The following RIMS3 variants were observed in gnomAD, a reference collection of about 807,000 sequenced individuals.
RIMS3 encodes the protein regulating synaptic membrane exocytosis 3.
Under a neutral mutation model 29.2 loss-of-function variants are expected in RIMS3, and 15 were observed. That is an observed-to-expected ratio of 0.51 (90% CI 0.34 to 0.79). The LOEUF (loss-of-function observed/expected upper bound fraction) is 0.79, where lower values mean the gene tolerates loss of function less well. Among genes scored for constraint, RIMS3 ranks in the 30% least tolerant of loss-of-function variants. The pLI, the probability that RIMS3 is intolerant of heterozygous loss-of-function variation, is 0.01. For missense variants in RIMS3, 342 were observed against 421.4 expected (o/e 0.81, Z 1.65); for synonymous variants, 161 against 170.1 (o/e 0.95, Z 0.41).
At chr1:40,643,485 T>TC (rs1295882762) in intron 2 of RIMS3, among the ~76,000 whole-genome samples, 1 of 150,574 alleles carries the variant, frequency 6.6e-6, no homozygotes, top group Non-Finnish European at 1.5e-5. Flanking sequence ...TCTCTTTTTT[T>TC]TTTTTTTTTG....
chr1:40,628,419 G>T (rs970370898), intron 7 of RIMS3, among the ~76,000 whole-genome samples: 1 of 152,234 alleles, frequency 6.6e-6, no homozygotes, highest in Non-Finnish European at 1.5e-5. Flanking sequence ...CTCGGTTTCC[G>T]TAAAGTGAAG....
At position 40,620,727 on chromosome 1, in the gene RIMS3, C is replaced by T. The variant is rs1252179264; in HGVS notation, c.*5790G>A. On this transcript the variant is annotated 3_prime_UTR_variant, in exon 8 of 8. Transcript: ENST00000372684. ...CATGTTTTGCTGCCCAAATACTGTA[C>T]ATGCAGAAGCCATGTGAAGAATTTT... is the stretch of plus-strand genomic sequence containing the variant. 2.0e-5 allele frequency: 3 copies of T among 152,626 alleles called. No homozygotes were observed. 9.5% of individuals were successfully genotyped at this position (152,626 alleles called of 1,614,324 possible).
the RIMS3 span, among the ~76,000 whole-genome samples, chr1:40,678,134 G>A: frequency 6.6e-6 from 1 of 152,224 alleles, no homozygotes. Flanking sequence ...AGGGCCAGGT[G>A]CGGTGGCTTA....
At chr1:40,639,158 G>C (rs1646540178) in intron 3 of RIMS3, among the ~76,000 whole-genome samples, 1 of 152,218 alleles carries the variant, frequency 6.6e-6, no homozygotes, top group South Asian at 2.1e-4. Flanking sequence ...CCAGAAGACA[G>C]AGTCCAGGAG....
Position 40,626,513 on chromosome 1 carries a change from A to G in RIMS3, c.*4T>C. ...ACCACCATCCTGGCCTCTTCCTGAC[A>G]TCCTTAAGAGCATGAGGGGCTGGTG... is the stretch of plus-strand genomic sequence containing the variant. On this transcript the variant is annotated 3_prime_UTR_variant, in exon 8 of 8. Coordinates refer to ENST00000372684, the MANE Select transcript of RIMS3 (RefSeq NM_014747.3). The G allele has an allele frequency of 1.9e-6, 3 of 1,599,894 alleles. No homozygotes were observed. Among genetic ancestry groups the G allele is most frequent in the Non-Finnish European group, 2.6e-6 (3 of 1,172,994 alleles).
At position 40,623,294 on chromosome 1, in the gene RIMS3, C is replaced by T. The variant is rs1259874038; in HGVS notation, c.*3223G>A. ...TTCTTCCCTGAAGGATCAAGTTCCC[C>T]TTGTCAAACCAAGACTTGGCTCCAT... is the stretch of plus-strand genomic sequence containing the variant. On this transcript the variant is annotated 3_prime_UTR_variant, in exon 8 of 8. Transcript: ENST00000372684. 7 of 397,698 alleles carry T rather than the reference C, an allele frequency of 1.8e-5. No individual in the cohort carries two copies. The Admixed American group carries it at 2.6e-4, about 15-fold the overall frequency. The allele number at this position is 397,698 out of a possible 1,614,324, so 24.6% of individuals were successfully genotyped here.
At chr1:40,671,712 C>T in the RIMS3 span, among the ~76,000 whole-genome samples, 4 of 151,796 alleles carry the variant, frequency 2.6e-5, no homozygotes, top group Admixed American at 6.6e-5. Flanking sequence ...GCTTCCTGTA[C>T]AGCCTGTGGA....
At chr1:40,641,348 G>A (rs746825427) in intron 3 of RIMS3, among the ~76,000 whole-genome samples, 1 of 152,210 alleles carries the variant, frequency 6.6e-6, no homozygotes, top group Non-Finnish European at 1.5e-5. Flanking sequence ...TCATAAGGCT[G>A]TTTAATAAGT....
At chr1:40,645,614 A>G (rs988140301) in intron 2 of RIMS3, among the ~76,000 whole-genome samples, 6 of 152,150 alleles carry the variant, frequency 3.9e-5, no homozygotes, top group Non-Finnish European at 7.3e-5. Flanking sequence ...AGCTGTCATG[A>G]GCATCTAAGT....
At chr1:40,685,339 ATAT>A in the RIMS3 span, among the ~76,000 whole-genome samples, 28 of 82,042 alleles carry the variant, frequency 3.4e-4, no homozygotes, top group Admixed American at 7.3e-4. Flanking sequence ...TAATATAATT[ATAT>A]TATATATATA....
chr1:40,676,010 G>A, the RIMS3 span, among the ~76,000 whole-genome samples: 7 of 152,226 alleles, frequency 4.6e-5, no homozygotes, highest in Non-Finnish European at 7.4e-5. Context: ...ACCAAGAGAA[G>A]GCAGAAGCCT....
At chr1:40,689,288 CTTTCT>C in the RIMS3 span, among the ~76,000 whole-genome samples, 5 of 152,010 alleles carry the variant, frequency 3.3e-5, no homozygotes, top group Admixed American at 6.5e-5. Flanking sequence ...CCATTTCTTT[CTTTCT>C]TTTTTTGAGA....
intron 1 of RIMS3, among the ~76,000 whole-genome samples, chr1:40,649,090 C>A (rs2148354489): frequency 6.6e-6 from 1 of 152,278 alleles, no homozygotes; most frequent in African/African-American, 2.4e-5. Context: ...GCCAAGGAAG[C>A]ACACCCAGCC....
upstream of RIMS3, among the ~76,000 whole-genome samples, chr1:40,670,148 T>C (rs1177874759): frequency 6.6e-6 from 1 of 152,198 alleles, no homozygotes; most frequent in Non-Finnish European, 1.5e-5. Context: ...TTACTGAAAA[T>C]GCTTTTCATT....
chr1:40,670,913 G>A, the RIMS3 span, among the ~76,000 whole-genome samples: 4 of 151,966 alleles, frequency 2.6e-5, no homozygotes, highest in East Asian at 7.7e-4. Context: ...TAAGTGGAGA[G>A]ATATTGGAAA....
chr1:40,650,182 C>A (rs560310651), intron 1 of RIMS3, among the ~76,000 whole-genome samples: 1 of 152,296 alleles, frequency 6.6e-6, no homozygotes, highest in African/African-American at 2.4e-5. Context: ...CCATTCAGAA[C>A]AAGGTTCCTG....
At chr1:40,638,455 A>G (rs1646534813) in intron 3 of RIMS3, among the ~76,000 whole-genome samples, 1 of 152,174 alleles carries the variant, frequency 6.6e-6, no homozygotes, top group African/African-American at 2.4e-5. Flanking sequence ...GCTTGCAATA[A>G]TTCTATGGGC....
At chr1:40,629,554 T>C (rs1407744862) in intron 5 of RIMS3, among the ~76,000 whole-genome samples, 182 bp from the exon 6 acceptor site, 3 of 152,242 alleles carry the variant, frequency 2.0e-5, no homozygotes, top group Admixed American at 2.0e-4. Flanking sequence ...TGAGGGACCC[T>C]TTGATAGGTC....
the RIMS3 span, among the ~76,000 whole-genome samples, chr1:40,671,760 T>TC: frequency 6.8e-6 from 1 of 147,434 alleles, no homozygotes; most frequent in African/African-American, 2.5e-5. Context: ...TTCTTTTCTT[T>TC]TTTTTTTTTT....
Sources: allele counts gnomAD v4.1 joint callset (sites outside exome capture counted in the v4.1 genomes callset), GRCh38; gene constraint gnomAD v4.1.1; transcripts MANE v1.5; gene names NCBI Gene and HGNC (gene_info 2026-07-23, HGNC 2026-07-21).